KIAA0930: variants seen among roughly 807,000 people sequenced by gnomAD.
The protein encoded by KIAA0930 is KIAA0930, also known as uncharacterized protein KIAA0930.
In KIAA0930, 24 loss-of-function variants were observed where a neutral mutation model predicts 43.9. The ratio of observed to expected loss-of-function variants is 0.55; its 90% CI spans 0.40 to 0.77. KIAA0930 has a LOEUF of 0.77. Among genes scored for constraint, KIAA0930 ranks in the 30% least tolerant of loss-of-function variants. The pLI, the probability that KIAA0930 is intolerant of heterozygous loss-of-function variation, is 0.00. For synonymous variants in KIAA0930, 259 were observed against 216.4 expected (o/e 1.20, Z -1.73); for missense variants, 461 against 574.2 (o/e 0.80, Z 2.02).
intron 7 of KIAA0930, chr22:45,201,142 G>A (rs2147736260): frequency 4.6e-6 from 2 of 434,038 alleles, no homozygotes; most frequent in East Asian, 5.8e-5. Flanking sequence ...TCCAGACGGT[G>A]TTCCCACAAG....
intron 7 of KIAA0930, 21 bp downstream of exon 7, chr22:45,202,969 C>T (rs747460442): frequency 1.3e-6 from 2 of 1,568,176 alleles, no homozygotes; most frequent in South Asian, 2.3e-5. Context: ...GAGCCCCCGC[C>T]CCCAGCTGTG....
At chr22:45,205,485 A>T in intron 4 of KIAA0930, 145 bp downstream of exon 4, 1 of 888,390 alleles carries the variant, frequency 1.1e-6, no homozygotes, top group Non-Finnish European at 1.8e-6. Flanking sequence ...CGAATGGGAT[A>T]CGGGATCCCA....
chr22:45,205,951 C>T lies in KIAA0930; in HGVS notation c.217-39G>A, dbSNP rs908250436. 1.9e-6 allele frequency: 3 copies of T among 1,605,414 alleles called. No homozygotes were observed. The African/African-American group carries it at 4.0e-5, about 21-fold the overall frequency. On this transcript the variant is annotated intron_variant, in intron 2 of 9. Transcript: ENST00000336156. ...AGCAGAAGTGAGTGCCCAGGGCCCA[C>T]TGTGGTGCTCTTCTTCTTCCCTGAC...
intron 8 of KIAA0930, among the ~76,000 whole-genome samples, chr22:45,198,980 A>C (rs2083561748): frequency 6.6e-6 from 1 of 152,148 alleles, no homozygotes; most frequent in South Asian, 2.1e-4. Context: ...CTCAACAGAC[A>C]CGCACACAGT....
Position 45,194,942 on chromosome 22 carries a change from G to C in KIAA0930, c.*2234C>G, listed in dbSNP as rs1362780134. ...CTGGTTTTCTCGTCTGTAAGATGGG[G>C]TCGGACAGGCAGCTGCACATGGTAG... On this transcript the variant is annotated 3_prime_UTR_variant, in exon 10 of 10. Coordinates refer to ENST00000336156, the MANE Select transcript of KIAA0930 (RefSeq NM_001009880.2). The C allele has an allele frequency of 1.3e-5, 2 of 152,232 alleles. No homozygotes were observed. The highest frequency in any genetic ancestry group is 2.9e-5 in the Non-Finnish European group (2 of 68,056). 9.4% of individuals were successfully genotyped at this position (152,232 alleles called of 1,614,324 possible). A position where few individuals can be genotyped will look rare whatever the true frequency, so the allele number is the denominator to read the frequency against.
At chr22:45,204,162 C>G (rs1253662266) in intron 5 of KIAA0930, among the ~76,000 whole-genome samples, 177 bp from the exon 6 acceptor site, 1 of 152,218 alleles carries the variant, frequency 6.6e-6, no homozygotes, top group Non-Finnish European at 1.5e-5. Context: ...AGAACAGCCT[C>G]ACACTGGGGC....
intron 1 of KIAA0930, among the ~76,000 whole-genome samples, chr22:45,216,811 A>C (rs1181972486): frequency 6.6e-6 from 1 of 152,066 alleles, no homozygotes; most frequent in African/African-American, 2.4e-5. Context: ...TGTGGCCCCG[A>C]AAGCTGAGCC....
At chr22:45,215,843 T>C (rs1441811060) in intron 1 of KIAA0930, among the ~76,000 whole-genome samples, 2 of 152,122 alleles carry the variant, frequency 1.3e-5, no homozygotes, top group Admixed American at 6.5e-5. Flanking sequence ...CTTTCTCCCA[T>C]GAATGTACAA....
intron 1 of KIAA0930, among the ~76,000 whole-genome samples, chr22:45,237,919 G>T (rs1327043403): frequency 1.4e-5 from 2 of 140,072 alleles, no homozygotes; most frequent in Admixed American, 7.3e-5. Flanking sequence ...TCTGAAAAAT[G>T]AGCCCTTTTT....
intron 1 of KIAA0930, among the ~76,000 whole-genome samples, chr22:45,230,667 C>T (rs565274918): frequency 5.9e-5 from 9 of 151,616 alleles, no homozygotes; most frequent in South Asian, 2.1e-4. Flanking sequence ...CTGCAACCTC[C>T]GCCTCCCGGG....
chr22:45,219,594 T>TG (rs1569080296), intron 1 of KIAA0930, among the ~76,000 whole-genome samples: 1 of 137,560 alleles, frequency 7.3e-6, no homozygotes, highest in Non-Finnish European at 1.5e-5. Context: ...TTTTTTTTTT[T>TG]TTTTTTTTTT....
chr22:45,236,842 C>T (rs1414932250), intron 1 of KIAA0930, among the ~76,000 whole-genome samples: 1 of 152,350 alleles, frequency 6.6e-6, no homozygotes, highest in East Asian at 1.9e-4. Flanking sequence ...TTCTCTGCAC[C>T]ACTCCGGACA....
chr22:45,240,158 G>C (rs896690940), intron 1 of KIAA0930, among the ~76,000 whole-genome samples: 4 of 152,118 alleles, frequency 2.6e-5, no homozygotes, highest in African/African-American at 9.7e-5. Flanking sequence ...AAAGACAAAG[G>C]CTTCGGGTAG....
rs534344730 is a variant in KIAA0930, at chr22:45,230,416, C to T, written c.64+10224G>A. On this transcript the variant is annotated intron_variant, in intron 1 of 9. Transcript: ENST00000336156. ...AGGTCTCTCTCACCCTCCCTCTGCC[C>T]TTCTCCCTGAAGCAGGTCATGAGAC... is the stretch of plus-strand genomic sequence containing the variant. 2.3e-3 allele frequency among the ~76,000 whole-genome samples: 356 copies of T among 152,244 alleles called. 2 individuals carry two copies. Among genetic ancestry groups the T allele is most frequent in the Non-Finnish European group, 3.7e-3 (252 of 68,006 alleles).
In KIAA0930 at chr22:45,205,865, C is replaced by T; in HGVS notation, c.264G>A (p.Lys88=). 1 of 1,607,652 alleles carries T rather than the reference C, an allele frequency of 6.2e-7. No individual in the cohort carries two copies. Among genetic ancestry groups the T allele is most frequent in the Non-Finnish European group, 8.5e-7 (1 of 1,177,818 alleles). ...CAGGGTCTCCCAGGCCTGGCAGCTT[C>T]TTGGAGTCCCGCCGGTACACCTCCA... The part of the protein sequence containing the change: ...VEVEVYRRDS[K]KLPGLGDPDI... Residue 88 remains lysine, a synonymous_variant, in exon 3 of 10, where the codon AAG becomes AAA. Coordinates refer to ENST00000336156, the MANE Select transcript of KIAA0930 (RefSeq NM_001009880.2).
chr22:45,193,414 G>A lies in KIAA0930; in HGVS notation c.*3762C>T, dbSNP rs748571113. ...TGGCTGCACAGGGCCTTTCCTCTGG[G>A]ACATCTTTTAATGAAAAAAAAAAGT... On this transcript the variant is annotated 3_prime_UTR_variant, in exon 10 of 10. Coordinates refer to ENST00000336156, the MANE Select transcript of KIAA0930 (RefSeq NM_001009880.2). 1.3e-5 allele frequency: 2 copies of A among 151,974 alleles called. No individual in the cohort carries two copies. The highest frequency in any genetic ancestry group is 2.9e-5 in the Non-Finnish European group (2 of 68,006). 9.4% of individuals were successfully genotyped at this position (151,974 alleles called of 1,614,324 possible). A position where few individuals can be genotyped will look rare whatever the true frequency, so the allele number is the denominator to read the frequency against.
At chr22:45,240,528 A>G in intron 1 of KIAA0930, 112 bp downstream of exon 1, 1 of 696,124 alleles carries the variant, frequency 1.4e-6, no homozygotes, top group Non-Finnish European at 2.4e-6. Context: ...AGAGACCACG[A>G]CACCCGCGCA....
chr22:45,221,110 C>A (rs2083765138), intron 1 of KIAA0930, among the ~76,000 whole-genome samples: 2 of 152,246 alleles, frequency 1.3e-5, no homozygotes, highest in African/African-American at 4.8e-5. Context: ...CTCAGACAGG[C>A]CTTCTCAAAC....
At chr22:45,220,444 CA>C (rs35033031) in intron 1 of KIAA0930, among the ~76,000 whole-genome samples, 15 of 140,380 alleles carry the variant, frequency 1.1e-4, no homozygotes, top group South Asian at 4.6e-4. Flanking sequence ...ACTCAGTCTC[CA>C]AAAAAAAAAG....
Sources: gnomAD v4.1 joint callset for allele counts (sites outside exome capture counted in the v4.1 genomes callset) on GRCh38, gnomAD v4.1.1 for gene constraint, MANE v1.5 for transcripts, NCBI Gene and HGNC (gene_info 2026-07-23, HGNC 2026-07-21) for gene names.